Variants in ALPK2 observed in about 807,000 individuals in gnomAD.
ALPK2 encodes the protein alpha kinase 2.
Under a neutral mutation model 163.1 loss-of-function variants are expected in ALPK2, and 127 were observed. That is an observed-to-expected ratio of 0.78 (90% CI 0.67 to 0.90). The LOEUF (loss-of-function observed/expected upper bound fraction) is 0.90. ALPK2 is among the 40% of genes least tolerant of loss of function. ALPK2 has a pLI of 0.00. For synonymous variants in ALPK2, 953 were observed against 959.1 expected (o/e 0.99, Z 0.12); for missense variants, 2,360 against 2,589.6 (o/e 0.91, Z 1.92).
Position 58,535,301 on chromosome 18 carries a change from T to C in ALPK2, c.4886A>G (p.Glu1629Gly), listed in dbSNP as rs747541751. The C allele has an allele frequency of 6.2e-7, 1 of 1,614,174 alleles. No individual in the cohort carries two copies. Among genetic ancestry groups the C allele is most frequent in the African/African-American group, 1.3e-5 (1 of 75,046 alleles). ...TDFLISHKME[E>G]PKIEVLQIGE... ...AATTTGAAGCACCTCTATTTTAGGT[T>C]CCTCCATTTTGTGGCTTATCAAAAA... Residue 1629 changes from glutamate to glycine, a missense_variant, in exon 5 of 13, where the codon GAA becomes GGA. Physicochemically the swap from Glu to Gly is moderately conservative, Grantham distance 98 (BLOSUM62 -2). Transcript: ENST00000361673.
At chr18:58,588,899 C>G (rs757915409) in intron 3 of ALPK2, among the ~76,000 whole-genome samples, 3 of 152,120 alleles carry the variant, frequency 2.0e-5, no homozygotes, top group Non-Finnish European at 4.4e-5. Context: ...TGAACATATG[C>G]GTGCATATAT....
rs776135110 is a variant in ALPK2 at position 58,536,137 on chromosome 18, C to T, written c.4050G>A (p.Glu1350=). ...ESSVDPVDEK[E]LSVTDSLSAA... ...CTGACAGTGAATCTGTGACAGATAACTCCTTTTCATCTACAGGGTCCACGG... is the reference window on the plus strand; with the variant it reads ...CTGACAGTGAATCTGTGACAGATAATTCCTTTTCATCTACAGGGTCCACGG... The change falls in exon 5 of 13, where the codon GAG becomes GAA. Residue 1350 remains glutamate, a synonymous_variant. Coordinates refer to ENST00000361673, the MANE Select transcript of ALPK2 (RefSeq NM_052947.4). 1.7e-5 allele frequency: 27 copies of T among 1,614,032 alleles called. No individual in the cohort carries two copies. In the East Asian group the frequency reaches 1.8e-4, roughly 11 times the overall value.
intron 1 of ALPK2, among the ~76,000 whole-genome samples, chr18:58,622,780 T>G (rs905632378): frequency 3.2e-4 from 48 of 152,170 alleles, no homozygotes; most frequent in African/African-American, 1.1e-3. Flanking sequence ...CCTCTTATCC[T>G]CCACATTTGC....
In ALPK2 at chr18:58,481,813, C is replaced by G. The variant is rs2051312621; in HGVS notation, c.*10G>C. The stretch of plus-strand genomic sequence containing the variant: ...CTGCTAGCCAGTGGCCATTAGGTTA[C>G]CCAGGGACGTTAGGTTTTCTTTTCG... On this transcript the variant is annotated 3_prime_UTR_variant, in exon 13 of 13. Transcript: ENST00000361673. 1 of 1,610,676 alleles carries G rather than the reference C, an allele frequency of 6.2e-7. No individual in the cohort carries two copies. Among genetic ancestry groups the G allele is most frequent in the Non-Finnish European group, 8.5e-7 (1 of 1,177,034 alleles).
intron 5 of ALPK2, among the ~76,000 whole-genome samples, chr18:58,533,941 T>C (rs1274680049): frequency 6.6e-6 from 1 of 152,080 alleles, no homozygotes; most frequent in Admixed American, 6.5e-5. Flanking sequence ...AGAAAATTCT[T>C]CCCTTCTGAT....
chr18:58,508,318 G>A (rs951177353), intron 10 of ALPK2, among the ~76,000 whole-genome samples: 2 of 152,194 alleles, frequency 1.3e-5, no homozygotes, highest in Non-Finnish European at 2.9e-5. Context: ...AGTTCTGTCA[G>A]AGATGTGTGA....
rs371027763 is a variant in ALPK2 at position 58,481,850 on chromosome 18, A to C, written c.6486T>G (p.Pro2162=). ...AGGTTTTCTTTTCGCCTGGGGTCTC[A>C]GGCCCTGCCTTCTTTATTGTCATAG... ...TNSMTIKKAG[P]ETPGEKKT is the part of the protein sequence containing the mutation. The change falls in exon 13 of 13, where the codon CCT becomes CCG. Residue 2162 remains proline, a synonymous_variant. Coordinates refer to ENST00000361673, the MANE Select transcript of ALPK2 (RefSeq NM_052947.4). 1.2e-6 allele frequency: 2 copies of C among 1,614,158 alleles called. No homozygotes were observed. Among genetic ancestry groups the C allele is most frequent in the South Asian group, 2.2e-5 (2 of 91,082 alleles).
intron 4 of ALPK2, among the ~76,000 whole-genome samples, chr18:58,555,533 A>G (rs2051786031): frequency 6.6e-6 from 1 of 152,232 alleles, no homozygotes; most frequent in East Asian, 1.9e-4. Flanking sequence ...GAATAGCACC[A>G]TTATTAACCA....
chr18:58,529,005 T>C (rs1396490302), intron 6 of ALPK2, 86 bp downstream of exon 6: 1 of 1,549,748 alleles, frequency 6.5e-7, no homozygotes, highest in Non-Finnish European at 8.9e-7. Flanking sequence ...TCACGTCCTA[T>C]AATTTATTCT....
chr18:58,517,676 T>C (rs545380306), intron 8 of ALPK2, among the ~76,000 whole-genome samples: 56 of 152,164 alleles, frequency 3.7e-4, no homozygotes, highest in Non-Finnish European at 7.4e-4. Flanking sequence ...TACTATCTGT[T>C]TATGTACCAT....
At chr18:58,610,821 G>T (rs1027900451) in intron 2 of ALPK2, among the ~76,000 whole-genome samples, 1 of 151,642 alleles carries the variant, frequency 6.6e-6, no homozygotes, top group Non-Finnish European at 1.5e-5. Flanking sequence ...CGAGCCAGCC[G>T]CAGTGGCTCA....
chr18:58,549,981 T>C (rs1310720485), intron 4 of ALPK2, among the ~76,000 whole-genome samples: 3 of 152,110 alleles, frequency 2.0e-5, no homozygotes, highest in Non-Finnish European at 4.4e-5. Context: ...ACCCTGACTC[T>C]GTCTCCGTCA....
chr18:58,600,227 G>A (rs1472278524), intron 3 of ALPK2, among the ~76,000 whole-genome samples: 3 of 151,954 alleles, frequency 2.0e-5, no homozygotes, highest in Non-Finnish European at 4.4e-5. Flanking sequence ...AGTACAGACA[G>A]GGTTTCACCA....
rs2144149054 is a variant in ALPK2 at position 58,537,707 on chromosome 18, A to G, written c.2480T>C (p.Val827Ala). Residue 827 changes from valine to alanine, a missense_variant, in exon 5 of 13, where the codon GTT (valine) becomes GCT (alanine). By Grantham distance (64) the Val-to-Ala change is moderately conservative (BLOSUM62 0). Coordinates refer to ENST00000361673, the MANE Select transcript of ALPK2 (RefSeq NM_052947.4). ...AATTTCTTGAGGCGAATATTTATCA[A>G]CTGGTCTCCCAACAAGAGAATCTAT... Reference protein sequence around the residue: ...DTIDSLVGRPVDKYSPQEICS... With the variant: ...DTIDSLVGRPADKYSPQEICS... The G allele has an allele frequency of 1.2e-6, 2 of 1,614,150 alleles. No homozygotes were observed. The highest frequency in any genetic ancestry group is 1.7e-6 in the Non-Finnish European group (2 of 1,179,996).
rs1602183096 is a variant in ALPK2 at position 58,490,874 on chromosome 18, C to T, written c.6296+7175G>A. 2.0e-5 allele frequency among the ~76,000 whole-genome samples: 3 copies of T among 152,186 alleles called. No homozygotes were observed. In the South Asian group the frequency reaches 6.2e-4, roughly 32 times the overall value. On this transcript the variant is annotated intron_variant, in intron 12 of 12. Coordinates refer to ENST00000361673, the MANE Select transcript of ALPK2 (RefSeq NM_052947.4). ...AGCCCAGGGGAGGGGGAGAAGCACT[C>T]ATCTACTATGGGTCCGTTTTTGAGG...
intron 12 of ALPK2, among the ~76,000 whole-genome samples, chr18:58,490,629 A>G (rs951183416): frequency 4.1e-5 from 6 of 146,724 alleles, no homozygotes; most frequent in African/African-American, 1.5e-4. Context: ...CTGGCTGGAG[A>G]AAAAAAAAAA....
intron 9 of ALPK2, among the ~76,000 whole-genome samples, chr18:58,515,817 ATGTTTTAAT>A (rs2051518286): frequency 6.6e-6 from 1 of 152,232 alleles, no homozygotes; most frequent in Non-Finnish European, 1.5e-5. Context: ...AATATTTTAA[ATGTTTTAAT>A]TGTTTTAGAT....
At chr18:58,615,165 G>T (rs1343997498) in intron 1 of ALPK2, among the ~76,000 whole-genome samples, 5 of 152,044 alleles carry the variant, frequency 3.3e-5, no homozygotes, top group Non-Finnish European at 7.4e-5. Flanking sequence ...CAATGTTTTT[G>T]GGGTTTGACC....
chr18:58,508,645 T>A (rs2051473595), intron 10 of ALPK2, among the ~76,000 whole-genome samples: 1 of 152,190 alleles, frequency 6.6e-6, no homozygotes, highest in African/African-American at 2.4e-5. Context: ...TGCCTATTTA[T>A]ATGGTCTAAA....
Sources: allele counts gnomAD v4.1 joint callset (sites outside exome capture counted in the v4.1 genomes callset), GRCh38; gene constraint gnomAD v4.1.1; transcripts MANE v1.5; gene names NCBI Gene and HGNC (gene_info 2026-07-23, HGNC 2026-07-21).